The following EHMT1 variants were observed in gnomAD, a reference collection of about 807,000 sequenced individuals.
The protein encoded by EHMT1 is histone-lysine N-methyltransferase EHMT1.
Under a neutral mutation model 147.2 loss-of-function variants are expected in EHMT1, and 15 were observed. The observed-to-expected ratio is 0.10, with a 90% confidence interval of 0.07 to 0.16. The LOEUF (loss-of-function observed/expected upper bound fraction) is 0.16. Among genes scored for constraint, EHMT1 ranks in the 10% least tolerant of loss-of-function variants. EHMT1 has a pLI of 1.00. For synonymous variants in EHMT1, 795 were observed against 709.6 expected (o/e 1.12, Z -1.91); for missense variants, 1,587 against 1,772.4 (o/e 0.90, Z 1.88).
At chr9:137,788,097 G>A (rs1047230034) in intron 15 of EHMT1, 2 of 1,330,398 alleles carry the variant, frequency 1.5e-6, no homozygotes, top group South Asian at 3.0e-5. Flanking sequence ...GCCAGGAAGG[G>A]GGCAGAGGGG....
chr9:137,765,338 C>T (rs972056610), intron 10 of EHMT1, among the ~76,000 whole-genome samples: 6 of 151,930 alleles, frequency 3.9e-5, no homozygotes, highest in Admixed American at 2.0e-4. Context: ...TAGTGGTATC[C>T]GGAGGGCTTG....
intron 1 of EHMT1, among the ~76,000 whole-genome samples, chr9:137,708,791 G>A (rs1362777234): frequency 6.6e-6 from 1 of 152,144 alleles, no homozygotes; most frequent in Non-Finnish European, 1.5e-5. Context: ...GGCATGTCCA[G>A]GTCTGAGTGG....
chr9:137,655,801 C>G (rs1017567232), intron 1 of EHMT1, among the ~76,000 whole-genome samples: 1 of 152,162 alleles, frequency 6.6e-6, no homozygotes, highest in African/African-American at 2.4e-5. Flanking sequence ...GTCTGAAGAT[C>G]TGAGGTGGAA....
intron 1 of EHMT1, among the ~76,000 whole-genome samples, chr9:137,704,802 GCCCT>G (rs979518401): frequency 2.3e-4 from 3 of 13,056 alleles, no homozygotes; most frequent in African/African-American, 1.1e-3. Flanking sequence ...CCTCCCTCCC[GCCCT>G]CCCTCCCTCC....
At chr9:137,740,695 C>T (rs1213306724) in intron 4 of EHMT1, among the ~76,000 whole-genome samples, 2 of 152,344 alleles carry the variant, frequency 1.3e-5, no homozygotes, top group East Asian at 3.9e-4. Context: ...AATTTTATAC[C>T]TAACATCTGT....
At chr9:137,834,324 C>G in intron 25 of EHMT1, 25 bp from the exon 26 acceptor site, 3 of 1,604,376 alleles carry the variant, frequency 1.9e-6, no homozygotes, top group Non-Finnish European at 2.5e-6. Context: ...CTAACTGCAG[C>G]CCGTGCCGGC....
chr9:137,728,404 C>A lies in EHMT1; in HGVS notation c.698C>A (p.Pro233Gln), dbSNP rs1019753239. Residue 233 changes from proline (P) to glutamine (Q), a missense_variant, in exon 4 of 27, where the codon CCA becomes CAA. Pro to Gln is a moderately conservative substitution (Grantham distance 76). Around this residue, in one of 7 missense-constraint regions of EHMT1, gnomAD observed 810 missense variants for 673.0 expected, o/e 1.20. Transcript: ENST00000460843. Reference protein sequence around the residue: ...EVREARDHKEPKEEINKNISD... With the variant: ...EVREARDHKEQKEEINKNISD... Reference sequence around the variant, plus strand: ...CGAGAAGCTAGAGATCATAAGGAACCAAAAGAGGAGATCAACAAAAACATT... The same window carrying A: ...CGAGAAGCTAGAGATCATAAGGAACAAAAAGAGGAGATCAACAAAAACATT... 1.2e-6 allele frequency: 2 copies of A among 1,614,134 alleles called. No individual in the cohort carries two copies. The highest frequency in any genetic ancestry group is 4.5e-5 in the East Asian group (2 of 44,892).
intron 3 of EHMT1, among the ~76,000 whole-genome samples, chr9:137,723,186 C>T (rs1481905670): frequency 5.4e-4 from 31 of 57,506 alleles, no homozygotes; most frequent in Middle Eastern, 0.014. Context: ...CCGGGGTGTG[C>T]CTGTGTCTGT....
At chr9:137,762,217 G>A (rs1016486184) in intron 9 of EHMT1, among the ~76,000 whole-genome samples, 1 of 151,542 alleles carries the variant, frequency 6.6e-6, no homozygotes, top group Non-Finnish European at 1.5e-5. Flanking sequence ...AGGTGAGTGA[G>A]ATTCTAGATA....
chr9:137,703,438 G>A (rs766580321), intron 1 of EHMT1, among the ~76,000 whole-genome samples: 1 of 152,076 alleles, frequency 6.6e-6, no homozygotes, highest in Non-Finnish European at 1.5e-5. Context: ...CTTCGTGCAC[G>A]CATGTGAGTG....
intron 15 of EHMT1, among the ~76,000 whole-genome samples, chr9:137,783,286 C>T (rs991675308): frequency 1.3e-5 from 2 of 152,202 alleles, no homozygotes; most frequent in Non-Finnish European, 2.9e-5. Flanking sequence ...CCTTCCAGAC[C>T]GATTTCCTGC....
chr9:137,693,071 CTT>C (rs1564596143), intron 1 of EHMT1, among the ~76,000 whole-genome samples: 1 of 152,034 alleles, frequency 6.6e-6, no homozygotes, highest in Non-Finnish European at 1.5e-5. Flanking sequence ...AATAATAAGA[CTT>C]TTTAGAAAGG....
At chr9:137,687,723 C>T (rs1320284755) in intron 1 of EHMT1, among the ~76,000 whole-genome samples, 1 of 152,226 alleles carries the variant, frequency 6.6e-6, no homozygotes, top group African/African-American at 2.4e-5. Flanking sequence ...AAATGAGAGC[C>T]TGGCCACACG....
At chr9:137,834,019 T>TG (rs2133144014) in intron 25 of EHMT1, 1 of 400,968 alleles carries the variant, frequency 2.5e-6, no homozygotes, top group South Asian at 2.6e-5. Context: ...GACAGCCCCA[T>TG]GGGTCCTCGG....
chr9:137,825,143 A>G (rs1360346377), intron 25 of EHMT1, among the ~76,000 whole-genome samples: 1 of 152,196 alleles, frequency 6.6e-6, no homozygotes, highest in Non-Finnish European at 1.5e-5. Context: ...GAGCTCCTAG[A>G]GGCAGCTCTC....
chr9:137,635,939 A>G (rs1844036282), intron 1 of EHMT1, among the ~76,000 whole-genome samples: 2 of 148,846 alleles, frequency 1.3e-5, no homozygotes, highest in Non-Finnish European at 1.5e-5. Flanking sequence ...TTTTTTTTTG[A>G]GATGGGGAGT....
chr9:137,633,619 G>T (rs1194422469), intron 1 of EHMT1, among the ~76,000 whole-genome samples: 2 of 151,624 alleles, frequency 1.3e-5, no homozygotes, highest in Non-Finnish European at 2.9e-5. Context: ...GGGGTTCTTT[G>T]GTATGTCTGG....
At chr9:137,695,377 G>A (rs1487559924) in intron 1 of EHMT1, among the ~76,000 whole-genome samples, 1 of 152,158 alleles carries the variant, frequency 6.6e-6, no homozygotes, top group Non-Finnish European at 1.5e-5. Context: ...CTGGAGCTGG[G>A]GTTTGCTCTG....
chr9:137,757,815 G>C (rs1949494584), intron 8 of EHMT1, 65 bp from the exon 9 acceptor site: 4 of 1,609,130 alleles, frequency 2.5e-6, no homozygotes, highest in Non-Finnish European at 2.5e-6. Flanking sequence ...TTGCTGCCCT[G>C]TGCGTCTGGG....
Sources: allele counts gnomAD v4.1 joint callset (sites outside exome capture counted in the v4.1 genomes callset), GRCh38; gene constraint gnomAD v4.1.1; regional missense constraint gnomAD v4.1.1; transcripts MANE v1.5; gene names NCBI Gene and HGNC (gene_info 2026-07-23, HGNC 2026-07-21).